Variants in NLGN1 observed in about 807,000 individuals in gnomAD.
The protein encoded by NLGN1 is neuroligin-1.
NLGN1 carries 12 observed loss-of-function variants against 65.5 expected under a neutral mutation model. The observed-to-expected ratio is 0.18, with a 90% confidence interval of 0.12 to 0.30. The LOEUF (loss-of-function observed/expected upper bound fraction) is 0.30. Among genes scored for constraint, NLGN1 ranks in the 10% least tolerant of loss-of-function variants. The pLI, the probability that NLGN1 is intolerant of heterozygous loss-of-function variation, is 1.00. For missense variants in NLGN1, 750 were observed against 1,007.1 expected (o/e 0.74, Z 3.46); for synonymous variants, 350 against 359.5 (o/e 0.97, Z 0.30).
intron 4 of NLGN1, among the ~76,000 whole-genome samples, chr3:174,212,179 G>A (rs1736771171): frequency 6.6e-6 from 1 of 152,176 alleles, no homozygotes; most frequent in Non-Finnish European, 1.5e-5. Context: ...GGCACTGCTG[G>A]GGGACCCAGT....
intron 2 of NLGN1, among the ~76,000 whole-genome samples, chr3:173,510,279 C>G (rs1036292373): frequency 1.3e-5 from 2 of 152,186 alleles, no homozygotes; most frequent in African/African-American, 4.8e-5. Context: ...CACTCACCTG[C>G]CATTTAACTT....
At chr3:174,032,540 C>G (rs952339953) in intron 4 of NLGN1, among the ~76,000 whole-genome samples, 1 of 152,112 alleles carries the variant, frequency 6.6e-6, no homozygotes, top group African/African-American at 2.4e-5. Flanking sequence ...ATGGCAGGGA[C>G]ATGGAAATAT....
At chr3:174,048,871 G>A (rs985299337) in intron 4 of NLGN1, among the ~76,000 whole-genome samples, 1 of 151,986 alleles carries the variant, frequency 6.6e-6, no homozygotes, top group Non-Finnish European at 1.5e-5. Flanking sequence ...AGGTACCACA[G>A]AATATTTTTT....
At chr3:173,675,146 A>T (rs1293533116) in intron 3 of NLGN1, among the ~76,000 whole-genome samples, 1 of 152,138 alleles carries the variant, frequency 6.6e-6, no homozygotes, top group Non-Finnish European at 1.5e-5. Flanking sequence ...AGCATAAAGG[A>T]AGAGAGAAGC....
At chr3:173,406,890 G>A (rs1718807114) in intron 1 of NLGN1, among the ~76,000 whole-genome samples, 1 of 152,016 alleles carries the variant, frequency 6.6e-6, no homozygotes, top group African/African-American at 2.4e-5. Context: ...AAAGTGAGTT[G>A]ATTTATGGAG....
chr3:174,013,552 A>G (rs1259081078), intron 4 of NLGN1, among the ~76,000 whole-genome samples: 1 of 152,250 alleles, frequency 6.6e-6, no homozygotes. Context: ...CTATTGCTTA[A>G]AATTATTGGT....
At chr3:173,520,694 GA>G (rs1455448074) in intron 2 of NLGN1, among the ~76,000 whole-genome samples, 5 of 152,176 alleles carry the variant, frequency 3.3e-5, no homozygotes, top group Admixed American at 6.5e-5. Context: ...ATCTGGCTTG[GA>G]GACTAAAAAC....
At chr3:173,486,069 G>C (rs1728126779) in intron 2 of NLGN1, among the ~76,000 whole-genome samples, 1 of 151,800 alleles carries the variant, frequency 6.6e-6, no homozygotes, top group Non-Finnish European at 1.5e-5. Context: ...TTTTGAGATG[G>C]AGTCTCACTC....
At chr3:174,245,775 A>G (rs1003330840) in intron 4 of NLGN1, among the ~76,000 whole-genome samples, 1 of 152,164 alleles carries the variant, frequency 6.6e-6, no homozygotes, top group Non-Finnish European at 1.5e-5. Flanking sequence ...TGCTTCAAAT[A>G]TTCTGCCCAC....
intron 3 of NLGN1, among the ~76,000 whole-genome samples, chr3:173,784,907 A>G (rs914382481): frequency 3.3e-5 from 5 of 152,250 alleles, no homozygotes; most frequent in African/African-American, 1.2e-4. Flanking sequence ...ATACACAGAC[A>G]TATACACAGA....
At chr3:173,419,192 A>G (rs530226634) in intron 1 of NLGN1, among the ~76,000 whole-genome samples, 12 of 151,378 alleles carry the variant, frequency 7.9e-5, no homozygotes, top group African/African-American at 2.9e-4. Flanking sequence ...GATTTCAATC[A>G]GGAGCGCTTT....
At chr3:173,425,860 T>C (rs1191548631) in intron 1 of NLGN1, among the ~76,000 whole-genome samples, 1 of 152,184 alleles carries the variant, frequency 6.6e-6, no homozygotes, top group Non-Finnish European at 1.5e-5. Flanking sequence ...TTTTTCTAAA[T>C]CTGTGAAAAA....
chr3:174,194,924 C>A (rs1365059736), intron 4 of NLGN1, among the ~76,000 whole-genome samples: 3 of 146,624 alleles, frequency 2.0e-5, no homozygotes, highest in Non-Finnish European at 4.5e-5. Flanking sequence ...TGCAATGGCA[C>A]GATCTTGGCT....
At chr3:173,974,732 A>G (rs1439055595) in intron 4 of NLGN1, among the ~76,000 whole-genome samples, 2 of 152,008 alleles carry the variant, frequency 1.3e-5, no homozygotes, top group Non-Finnish European at 2.9e-5. Context: ...CAAAGATAGG[A>G]ATGTTTTGCT....
chr3:174,184,894 A>G (rs1275134991), intron 4 of NLGN1, among the ~76,000 whole-genome samples: 1 of 152,142 alleles, frequency 6.6e-6, no homozygotes, highest in Non-Finnish European at 1.5e-5. Context: ...AGTAGCAGGC[A>G]TGGAGTGAAG....
chr3:173,730,605 T>C (rs1287162865), intron 3 of NLGN1, among the ~76,000 whole-genome samples: 1 of 152,114 alleles, frequency 6.6e-6, no homozygotes, highest in Non-Finnish European at 1.5e-5. Flanking sequence ...TAGTGGTCAC[T>C]GTACTGGACA....
chr3:173,943,914 C>T (rs1368187618), intron 4 of NLGN1, among the ~76,000 whole-genome samples: 1 of 152,122 alleles, frequency 6.6e-6, no homozygotes, highest in Non-Finnish European at 1.5e-5. Context: ...AGAGAAAAAG[C>T]AATCATTTCC....
chr3:173,479,519 G>A (rs1018708816), intron 2 of NLGN1, among the ~76,000 whole-genome samples: 7 of 152,146 alleles, frequency 4.6e-5, no homozygotes, highest in Admixed American at 3.9e-4. Flanking sequence ...TGTGTCATTA[G>A]TTTGATGGTC....
At chr3:174,237,029 A>C (rs776447136) in intron 4 of NLGN1, among the ~76,000 whole-genome samples, 22 of 152,150 alleles carry the variant, frequency 1.4e-4, no homozygotes, top group Non-Finnish European at 2.9e-4. Context: ...GAGATACATC[A>C]ACAAAATACA....
Sources: gnomAD v4.1 joint callset for allele counts (sites outside exome capture counted in the v4.1 genomes callset) on GRCh38, gnomAD v4.1.1 for gene constraint, MANE v1.5 for transcripts, NCBI Gene and HGNC (gene_info 2026-07-23, HGNC 2026-07-21) for gene names.